Variants in SLC25A53 observed in about 807,000 individuals in gnomAD.
SLC25A53 encodes solute carrier family 25 member 53.
A neutral mutation model predicts 15.0 loss-of-function variants in SLC25A53; 5 were observed. The observed-to-expected ratio is 0.33, with a 90% confidence interval of 0.17 to 0.70. The LOEUF (loss-of-function observed/expected upper bound fraction) is 0.70. SLC25A53 is among the 30% of genes least tolerant of loss of function. The probability of loss-of-function intolerance (pLI) is 0.67; values close to 1 mark genes in which losing one functional copy is unlikely to be tolerated. For synonymous variants in SLC25A53, 95 were observed against 100.0 expected (o/e 0.95, Z 0.30); for missense variants, 216 against 241.6 (o/e 0.89, Z 0.70).
intron 1 of SLC25A53, among the ~76,000 whole-genome samples, chrX:104,132,326 G>A (rs940324850): frequency 4.5e-5 from 5 of 111,978 alleles, no homozygotes; most frequent in Non-Finnish European, 9.4e-5. Context: ...GGTTACTTCA[G>A]TTCCTGGGAA....
intron 1 of SLC25A53, among the ~76,000 whole-genome samples, chrX:104,130,292 T>G (rs1395319537): frequency 9.0e-6 from 1 of 111,381 alleles, no homozygotes; most frequent in African/African-American, 3.3e-5. Context: ...TGTATTATTT[T>G]GAGAGCCCAT....
In SLC25A53 at chrX:104,152,735, G is replaced by A. The variant is rs2075488835; in HGVS notation, c.-32+4143C>T. The stretch of plus-strand genomic sequence containing the variant: ...TTACAGGCGTGAGCCACCGCGCCCA[G>A]CCTGAGAACAGATTTCTGAAACATC... On this transcript the variant is annotated intron_variant, in intron 1 of 1. Coordinates refer to ENST00000594199, the MANE Select transcript of SLC25A53 (RefSeq NM_001012755.5). Among the ~76,000 whole-genome samples the A allele has an allele frequency of 2.7e-5, 3 of 112,102 alleles. No homozygotes were observed. The Admixed American group carries it at 2.8e-4, about 11-fold the overall frequency.
At chrX:104,121,524 T>C (rs1254115417) in intron 1 of SLC25A53, among the ~76,000 whole-genome samples, 3 of 110,923 alleles carry the variant, frequency 2.7e-5, no homozygotes, top group Non-Finnish European at 5.7e-5. Context: ...CCTACTTTAG[T>C]AGCTCTGGCT....
Position 104,102,572 on chromosome X carries a change from G to A in SLC25A53, c.*1762C>T, listed in dbSNP as rs1312208128. On this transcript the variant is annotated 3_prime_UTR_variant, in exon 2 of 2. Transcript: ENST00000594199. Reference sequence around the variant, plus strand: ...AACACAGCCCAAAGGCACGTGTCTTGCTGACAGTGAGTCAATAACTTTATC... The same window carrying A: ...AACACAGCCCAAAGGCACGTGTCTTACTGACAGTGAGTCAATAACTTTATC... The A allele has an allele frequency of 8.9e-6, 1 of 112,143 alleles. No individual in the cohort carries two copies. Among genetic ancestry groups the A allele is most frequent in the East Asian group, 2.8e-4 (1 of 3,605 alleles). 9.2% of individuals were successfully genotyped at this position (112,143 alleles called of 1,213,427 possible). A position where few individuals can be genotyped will look rare whatever the true frequency, so the allele number is the denominator to read the frequency against.
At chrX:104,124,753 C>CA (rs1335606823) in intron 1 of SLC25A53, among the ~76,000 whole-genome samples, 28 of 93,047 alleles carry the variant, frequency 3.0e-4, no homozygotes, top group South Asian at 9.9e-4. Flanking sequence ...GACCTTGTCT[C>CA]AAAAAAAAAA....
At chrX:104,140,322 C>CGTGTGT (rs55930796) in intron 1 of SLC25A53, among the ~76,000 whole-genome samples, 30,861 of 100,552 alleles carry the variant, frequency 0.31, 3,659 homozygotes, top group East Asian at 0.55. Context: ...GACAGGATTC[C>CGTGTGT]GTGTGTGTGT....
At chrX:104,130,345 T>G (rs733131) in intron 1 of SLC25A53, among the ~76,000 whole-genome samples, 28,922 of 110,357 alleles carry the variant, frequency 0.26, 3,420 homozygotes, top group East Asian at 0.55. Context: ...GGTTTTAATG[T>G]GTATGTATGG....
intron 1 of SLC25A53, among the ~76,000 whole-genome samples, chrX:104,111,669 T>C (rs2075344851): frequency 9.0e-6 from 1 of 110,763 alleles, no homozygotes; most frequent in South Asian, 3.9e-4. Flanking sequence ...GAGACTGCTG[T>C]TGAGATGGTT....
At chrX:104,145,891 C>T (rs782702101) in intron 1 of SLC25A53, among the ~76,000 whole-genome samples, 8 of 111,973 alleles carry the variant, frequency 7.1e-5, no homozygotes, top group African/African-American at 2.3e-4. Context: ...CAAAGAGGAC[C>T]GGGTACCATT....
intron 1 of SLC25A53, among the ~76,000 whole-genome samples, chrX:104,123,185 T>C (rs2075400097): frequency 8.9e-6 from 1 of 112,537 alleles, no homozygotes; most frequent in African/African-American, 3.2e-5. Flanking sequence ...CACAGAGAAT[T>C]TCATTAAAGT....
At chrX:104,122,437 G>T (rs1228452726) in intron 1 of SLC25A53, among the ~76,000 whole-genome samples, 2 of 107,720 alleles carry the variant, frequency 1.9e-5, no homozygotes, top group Non-Finnish European at 3.8e-5. Context: ...TCTCAGGATG[G>T]GTAAAGGCTT....
In SLC25A53 at chrX:104,115,124, G is replaced by A. The variant is rs1569461462; in HGVS notation, c.-31-9836C>T. ...AAGAATGATGGTCCTGGGAATATTC[G>A]TAGAGCCAGGAAGCGAAAATACACA... On this transcript the variant is annotated intron_variant, in intron 1 of 1. Coordinates refer to ENST00000594199, the MANE Select transcript of SLC25A53 (RefSeq NM_001012755.5). 5.8e-6 allele frequency: 7 copies of A among 1,204,046 alleles called. No homozygotes were observed. The highest frequency in any genetic ancestry group is 2.2e-5 in the Admixed American group (1 of 45,020).
intron 1 of SLC25A53, among the ~76,000 whole-genome samples, chrX:104,143,336 A>G (rs190840703): frequency 1.8e-4 from 20 of 112,048 alleles, no homozygotes; most frequent in African/African-American, 6.5e-4. Flanking sequence ...ACCCAATGCA[A>G]GGAAGCTAAG....
At chrX:104,154,357 A>G (rs2075494113) in intron 1 of SLC25A53, among the ~76,000 whole-genome samples, 1 of 112,431 alleles carries the variant, frequency 8.9e-6, no homozygotes, top group Non-Finnish European at 1.9e-5. Context: ...GATATGGAGA[A>G]AAGGCAACCC....
At chrX:104,124,132 C>T (rs782809813) in intron 1 of SLC25A53, among the ~76,000 whole-genome samples, 23 of 111,636 alleles carry the variant, frequency 2.1e-4, no homozygotes, top group Admixed American at 2.0e-3. Context: ...CTTGAGGAAT[C>T]GCCACACTGT....
intron 1 of SLC25A53, among the ~76,000 whole-genome samples, chrX:104,144,602 G>C (rs1165701141): frequency 9.0e-6 from 1 of 111,683 alleles, no homozygotes; most frequent in African/African-American, 3.3e-5. Context: ...CTGGAAATCA[G>C]AGTAACAAGA....
intron 1 of SLC25A53, among the ~76,000 whole-genome samples, chrX:104,125,703 T>A (rs1262240074): frequency 1.8e-5 from 2 of 111,343 alleles, no homozygotes; most frequent in East Asian, 2.8e-4. Flanking sequence ...GCATTCAGCA[T>A]CTCCTTAAAT....
Position 104,104,933 on chromosome X carries a change from C to A in SLC25A53, c.325G>T (p.Val109Phe). 8.3e-7 allele frequency: 1 copy of A among 1,211,542 alleles called. No individual in the cohort carries two copies. The highest frequency in any genetic ancestry group is 3.0e-5 in the East Asian group (1 of 33,827). The change falls in exon 2 of 2, where the codon GTT becomes TTT. Residue 109 changes from valine (V) to phenylalanine (F), a missense_variant. By Grantham distance (50) the Val-to-Phe change is conservative. Coordinates refer to ENST00000594199, the MANE Select transcript of SLC25A53 (RefSeq NM_001012755.5). ...CGGTGTCCCAGGGTGTGTGGCCCAA[C>A]AGGAGAGAGAAAGCACAGCAGGCTA... The part of the protein sequence containing the change: ...YDSLLCFLSP[V>F]GPHTLGHRWA...
chrX:104,138,656 G>A (rs67542132), intron 1 of SLC25A53, among the ~76,000 whole-genome samples: 4 of 112,095 alleles, frequency 3.6e-5, no homozygotes, highest in African/African-American at 1.3e-4. Context: ...CAGATCACAC[G>A]TGGGCTTGGA....
Sources: gnomAD v4.1 joint callset for allele counts (sites outside exome capture counted in the v4.1 genomes callset) on GRCh38, gnomAD v4.1.1 for gene constraint, MANE v1.5 for transcripts, NCBI Gene and HGNC (gene_info 2026-07-23, HGNC 2026-07-21) for gene names.